The following IL23R variants were observed in gnomAD, a reference collection of about 807,000 sequenced individuals.
IL23R encodes the protein interleukin 23 receptor.
Under a neutral mutation model 56.9 loss-of-function variants are expected in IL23R, and 34 were observed. The ratio of observed to expected loss-of-function variants is 0.60; its 90% CI spans 0.45 to 0.80. IL23R has a LOEUF of 0.80. Among genes scored for constraint, IL23R ranks in the 30% least tolerant of loss-of-function variants. The probability of loss-of-function intolerance (pLI) is 0.00; values close to 1 mark genes in which losing one functional copy is unlikely to be tolerated. For synonymous variants in IL23R, 230 were observed against 249.2 expected (o/e 0.92, Z 0.73); for missense variants, 635 against 730.0 (o/e 0.87, Z 1.50).
At chr1:67,142,462 G>A (rs1160199349) in intron 1 of IL23R, among the ~76,000 whole-genome samples, 1 of 152,080 alleles carries the variant, frequency 6.6e-6, no homozygotes, top group African/African-American at 2.4e-5. Context: ...CTAAAGGAAT[G>A]GCAGAAACAC....
intron 6 of IL23R, among the ~76,000 whole-genome samples, chr1:67,208,608 A>C (rs1649243419): frequency 6.6e-6 from 1 of 152,216 alleles, no homozygotes; most frequent in South Asian, 2.1e-4. Flanking sequence ...CTGCGGGTAC[A>C]CAGAAGTCAG....
chr1:67,233,852 G>GT (rs35312501), intron 7 of IL23R, among the ~76,000 whole-genome samples: 39,872 of 138,374 alleles, frequency 0.29, 6,653 homozygotes, highest in East Asian at 0.72. Flanking sequence ...ATATCATGAG[G>GT]TTTTTTTTTT....
chr1:67,216,520 A>C (rs1649843194), intron 6 of IL23R, among the ~76,000 whole-genome samples: 1 of 152,222 alleles, frequency 6.6e-6, no homozygotes, highest in Non-Finnish European at 1.5e-5. Context: ...GCAGAACATA[A>C]GATTTCTGTC....
intron 1 of IL23R, among the ~76,000 whole-genome samples, chr1:67,151,495 T>C (rs577526821): frequency 5.3e-5 from 8 of 152,360 alleles, no homozygotes; most frequent in African/African-American, 1.9e-4. Context: ...TGCAATTGCT[T>C]TGGGTGTTTT....
chr1:67,164,073 C>A (rs555160573), upstream of IL23R, among the ~76,000 whole-genome samples: 15 of 151,962 alleles, frequency 9.9e-5, no homozygotes, highest in Non-Finnish European at 1.8e-4. Flanking sequence ...AAAAAGACAA[C>A]CTACAGAAGG....
chr1:67,207,901 T>G (rs1163929196), intron 6 of IL23R, among the ~76,000 whole-genome samples: 1 of 152,174 alleles, frequency 6.6e-6, no homozygotes, highest in Admixed American at 6.5e-5. Flanking sequence ...CAGGAAAATG[T>G]GGGAAATTTG....
intron 6 of IL23R, among the ~76,000 whole-genome samples, chr1:67,211,309 G>C (rs761944334): frequency 1.6e-4 from 24 of 152,300 alleles, no homozygotes; most frequent in Non-Finnish European, 3.1e-4. Context: ...CACAGTCATA[G>C]AATGATATTA....
At chr1:67,149,170 A>C (rs942607858) in intron 1 of IL23R, among the ~76,000 whole-genome samples, 1 of 152,138 alleles carries the variant, frequency 6.6e-6, no homozygotes, top group Non-Finnish European at 1.5e-5. Flanking sequence ...TCCTGTCATC[A>C]GTTAGTCCAG....
At chr1:67,162,013 G>T (rs941407033), upstream of IL23R, among the ~76,000 whole-genome samples, 1 of 151,964 alleles carries the variant, frequency 6.6e-6, no homozygotes, top group Non-Finnish European at 1.5e-5. Flanking sequence ...AAACTAAGAC[G>T]AGGCTGTTAA....
Position 67,169,376 on chromosome 1 carries a change from G to T in IL23R, c.105G>T (p.Trp35Cys), listed in dbSNP as rs1396700760. Residue 35 changes from tryptophan to cysteine, a missense_variant, in exon 3 of 11, where the codon TGG becomes TGT. By Grantham distance (215) the Trp-to-Cys change is radical. Coordinates refer to ENST00000347310, the MANE Select transcript of IL23R (RefSeq NM_144701.3). ...ITNINCSGHI[W>C]VEPATIFKMG... ...ATATAAACTGCTCTGGCCACATCTG[G>T]GTAGAACCAGCCACAATTTTTAAGA... 3 of 1,612,894 alleles carry T rather than the reference G, an allele frequency of 1.9e-6. No homozygotes were observed. Among genetic ancestry groups the T allele is most frequent in the Non-Finnish European group, 2.5e-6 (3 of 1,179,302 alleles).
intron 4 of IL23R, among the ~76,000 whole-genome samples, chr1:67,185,372 A>G (rs1319255460): frequency 6.6e-6 from 1 of 152,202 alleles, no homozygotes; most frequent in East Asian, 1.9e-4. Context: ...TCTCATCATT[A>G]TGGAAGGGAA....
chr1:67,153,505 C>G (rs1646745631), intron 1 of IL23R, among the ~76,000 whole-genome samples: 1 of 151,980 alleles, frequency 6.6e-6, no homozygotes, highest in Admixed American at 6.6e-5. Context: ...AATTTGTTTG[C>G]TCTTGCTTCT....
chr1:67,187,908 A>T (rs1268924445), intron 4 of IL23R, among the ~76,000 whole-genome samples: 1 of 151,980 alleles, frequency 6.6e-6, no homozygotes, highest in East Asian at 1.9e-4. Flanking sequence ...TCTACTAAGA[A>T]TACAAAAATT....
chr1:67,210,625 G>C (rs1649400329), intron 6 of IL23R, among the ~76,000 whole-genome samples: 1 of 151,930 alleles, frequency 6.6e-6, no homozygotes. Context: ...ACTATGCCTG[G>C]CTAATTTATT....
At chr1:67,198,628 AGG>A (rs1648364080) in intron 4 of IL23R, among the ~76,000 whole-genome samples, 2 of 152,100 alleles carry the variant, frequency 1.3e-5, no homozygotes, top group African/African-American at 4.8e-5. Flanking sequence ...ACCTGTCATT[AGG>A]TCCAGTCAGT....
rs756318954 is a variant in IL23R at position 67,182,843 on chromosome 1, A to G, written c.375A>G (p.Pro125=). 4.3e-6 allele frequency: 7 copies of G among 1,613,922 alleles called. No homozygotes were observed. The African/African-American group carries it at 9.3e-5, about 22-fold the overall frequency. ...TGTTATGTTTTGTTGCAGATCCGCC[A>G]GATATTCCTGATGAAGTAACCTGTG... ...CGKDISSGYP[P]DIPDEVTCVI... is the part of the protein sequence containing the mutation. The change falls in exon 4 of 11, where the codon CCA becomes CCG. Residue 125 remains proline (P), a synonymous_variant. Transcript: ENST00000347310.
chr1:67,261,378 C>T (rs1419271760), downstream of IL23R, among the ~76,000 whole-genome samples: 24 of 147,514 alleles, frequency 1.6e-4, no homozygotes, highest in African/African-American at 6.0e-4. Context: ...TTACTAAGGC[C>T]ATTTTGCTCC....
At chr1:67,159,540 T>C (rs530265221) in intron 1 of IL23R, among the ~76,000 whole-genome samples, 1 of 152,156 alleles carries the variant, frequency 6.6e-6, no homozygotes, top group African/African-American at 2.4e-5. Context: ...TAGTTCTTTA[T>C]AACAGTGTGA....
intron 6 of IL23R, among the ~76,000 whole-genome samples, chr1:67,219,174 C>T (rs1650074756): frequency 6.6e-6 from 1 of 151,966 alleles, no homozygotes; most frequent in South Asian, 2.1e-4. Context: ...CAAGACCAGC[C>T]TGGCCAACAT....
Sources: allele counts gnomAD v4.1 joint callset (sites outside exome capture counted in the v4.1 genomes callset), GRCh38; gene constraint gnomAD v4.1.1; transcripts MANE v1.5; gene names NCBI Gene and HGNC (gene_info 2026-07-23, HGNC 2026-07-21).